Variants in CCDC85A observed in about 807,000 individuals in gnomAD.
The protein encoded by CCDC85A is coiled-coil domain-containing protein 85A.
CCDC85A carries 38 observed loss-of-function variants against 50.2 expected under a neutral mutation model. The ratio of observed to expected loss-of-function variants is 0.76; its 90% CI spans 0.58 to 0.99. CCDC85A has a LOEUF of 0.99. Among genes scored for constraint, CCDC85A ranks in the 50% least tolerant of loss-of-function variants. The pLI, the probability that CCDC85A is intolerant of heterozygous loss-of-function variation, is 0.00. For synonymous variants in CCDC85A, 366 were observed against 301.4 expected, an observed-to-expected ratio of 1.21 and a Z score of -2.22; for missense variants, 820 against 742.0, an observed-to-expected ratio of 1.11 and a Z score of -1.22.
rs1161570359 is a variant in CCDC85A, at chr2:56,290,714, C to T, written c.1241-52165C>T. 3.9e-5 allele frequency among the ~76,000 whole-genome samples: 6 copies of T among 152,148 alleles called. No individual in the cohort carries two copies. In the East Asian group the frequency reaches 1.2e-3, roughly 29 times the overall value. On this transcript the variant is annotated intron_variant, in intron 2 of 5. Transcript: ENST00000407595. ...TTATCACCAGCTTCTTTACTGTGAACCAAAAGGACATCTCTCAAGAAAACT... is the reference window on the plus strand; with the variant it reads ...TTATCACCAGCTTCTTTACTGTGAATCAAAAGGACATCTCTCAAGAAAACT...
Position 56,184,544 on chromosome 2 carries a change from G to A in CCDC85A, c.-81G>A. The A allele has an allele frequency of 3.7e-6, 5 of 1,339,066 alleles. No individual in the cohort carries two copies. The highest frequency in any genetic ancestry group is 4.8e-6 in the Non-Finnish European group (5 of 1,048,000). The allele number at this position is 1,339,066 out of a possible 1,614,324, so 82.9% of individuals were successfully genotyped here. The stretch of plus-strand genomic sequence containing the variant: ...CGCCGGAGCGCACAGGGGTGTGGGC[G>A]GAGGCGGCCTCGCCGCGCCCGCGCC... On this transcript the variant is annotated 5_prime_UTR_variant, in exon 1 of 6. Coordinates refer to ENST00000407595, the MANE Select transcript of CCDC85A (RefSeq NM_001080433.2).
intron 2 of CCDC85A, among the ~76,000 whole-genome samples, chr2:56,264,946 G>A (rs1482656302): frequency 6.6e-6 from 1 of 152,284 alleles, no homozygotes; most frequent in East Asian, 1.9e-4. Context: ...TCAGGTCTCT[G>A]GCAAAATGTC....
Position 56,184,490 on chromosome 2 carries a change from C to A in CCDC85A, c.-135C>A. ...CCAGCGCGACCCCCGCCGCCCCAACCCAGCGGCCCCTGGGCGGTGCCGCTG... is the reference window on the plus strand; with the variant it reads ...CCAGCGCGACCCCCGCCGCCCCAACACAGCGGCCCCTGGGCGGTGCCGCTG... On this transcript the variant is annotated 5_prime_UTR_variant, in exon 1 of 6. Coordinates refer to ENST00000407595, the MANE Select transcript of CCDC85A (RefSeq NM_001080433.2). The A allele has an allele frequency of 9.8e-7, 1 of 1,018,506 alleles. No individual in the cohort carries two copies. Among genetic ancestry groups the A allele is most frequent in the East Asian group, 3.4e-5 (1 of 29,006 alleles). The allele number at this position is 1,018,506 out of a possible 1,614,324, so 63.1% of individuals were successfully genotyped here.
intron 2 of CCDC85A, among the ~76,000 whole-genome samples, chr2:56,300,747 A>G (rs1321270822): frequency 6.6e-6 from 1 of 152,222 alleles, no homozygotes; most frequent in Non-Finnish European, 1.5e-5. Flanking sequence ...TGATAAAAAC[A>G]GGTAGCAGTC....
chr2:56,280,504 C>G (rs1671158183), intron 2 of CCDC85A, among the ~76,000 whole-genome samples: 1 of 152,050 alleles, frequency 6.6e-6, no homozygotes, highest in Non-Finnish European at 1.5e-5. Context: ...ACATGCCGAA[C>G]CAAACTTCAC....
intron 2 of CCDC85A, among the ~76,000 whole-genome samples, chr2:56,329,630 A>T (rs1673665705): frequency 6.6e-6 from 1 of 152,080 alleles, no homozygotes; most frequent in South Asian, 2.1e-4. Flanking sequence ...ATAAAGGAAC[A>T]TTTCTCGATT....
At chr2:56,261,844 C>A (rs937859670) in intron 2 of CCDC85A, among the ~76,000 whole-genome samples, 3 of 152,174 alleles carry the variant, frequency 2.0e-5, no homozygotes, top group Non-Finnish European at 4.4e-5. Flanking sequence ...TTCACACACC[C>A]TTTCATGATA....
chr2:56,258,092 A>C (rs1423095463), intron 2 of CCDC85A, among the ~76,000 whole-genome samples: 1 of 152,138 alleles, frequency 6.6e-6, no homozygotes, highest in East Asian at 1.9e-4. Flanking sequence ...CATGATATTG[A>C]AGGAGTGAAT....
At chr2:56,241,220 T>C (rs753402204) in intron 2 of CCDC85A, among the ~76,000 whole-genome samples, 23 of 152,210 alleles carry the variant, frequency 1.5e-4, no homozygotes, top group Non-Finnish European at 2.9e-4. Flanking sequence ...ACATATGGCA[T>C]ATGAGATATT....
In CCDC85A at chr2:56,276,265, G is replaced by C. The variant is rs191118056; in HGVS notation, c.1241-66614G>C. 1.9e-4 allele frequency among the ~76,000 whole-genome samples: 22 copies of C among 116,850 alleles called. No homozygotes were observed. In the East Asian group the frequency reaches 4.7e-3, roughly 25 times the overall value. The allele number at this position is 116,850 out of a possible 152,430, so 76.7% of individuals were successfully genotyped here. On this transcript the variant is annotated intron_variant, in intron 2 of 5. Transcript: ENST00000407595. ...GTTATGGACCTAGAAACATATTTTTGAGTGCTTTTTATTTTGCTTACTGGC... is the reference window on the plus strand; with the variant it reads ...GTTATGGACCTAGAAACATATTTTTCAGTGCTTTTTATTTTGCTTACTGGC...
chr2:56,364,991 C>G (rs556412303), intron 3 of CCDC85A, among the ~76,000 whole-genome samples: 14 of 152,340 alleles, frequency 9.2e-5, no homozygotes, highest in African/African-American at 3.4e-4. Context: ...TGTGGCTCCA[C>G]ATAGAATAAA....
chr2:56,328,471 C>CT, intron 2 of CCDC85A, among the ~76,000 whole-genome samples: 1 of 152,264 alleles, frequency 6.6e-6, no homozygotes, highest in African/African-American at 2.4e-5. Context: ...CATCCTCATA[C>CT]TTTCTTTCAA....
intron 2 of CCDC85A, among the ~76,000 whole-genome samples, chr2:56,228,530 A>AT (rs1015637567): frequency 5.5e-5 from 8 of 145,468 alleles, no homozygotes; most frequent in African/African-American, 2.1e-4. Flanking sequence ...TTTATTTTTT[A>AT]TTTTTTTATT....
At chr2:56,324,911 A>G (rs1008598882) in intron 2 of CCDC85A, among the ~76,000 whole-genome samples, 2 of 152,060 alleles carry the variant, frequency 1.3e-5, no homozygotes, top group African/African-American at 4.8e-5. Flanking sequence ...TTAATAGTCT[A>G]TTCATTTCTT....
chr2:56,266,724 A>C (rs1022815569), intron 2 of CCDC85A, among the ~76,000 whole-genome samples: 1 of 151,766 alleles, frequency 6.6e-6, no homozygotes, highest in East Asian at 1.9e-4. Flanking sequence ...CAGCTTCCGG[A>C]TTACTGTTGT....
chr2:56,330,804 A>C (rs1372282326), intron 2 of CCDC85A, among the ~76,000 whole-genome samples: 1 of 152,212 alleles, frequency 6.6e-6, no homozygotes, highest in African/African-American at 2.4e-5. Context: ...TTTTATGGAA[A>C]GTTGTATAGA....
chr2:56,376,835 G>C (rs748383659), intron 5 of CCDC85A, among the ~76,000 whole-genome samples: 1 of 152,126 alleles, frequency 6.6e-6, no homozygotes, highest in Non-Finnish European at 1.5e-5. Context: ...GAGTGCTTCC[G>C]ATCTGCTTTT....
chr2:56,213,341 T>C (rs1677257408), intron 2 of CCDC85A, among the ~76,000 whole-genome samples: 1 of 152,014 alleles, frequency 6.6e-6, no homozygotes. Flanking sequence ...GAGTGTTAGG[T>C]CAATACCTCA....
intron 2 of CCDC85A, among the ~76,000 whole-genome samples, chr2:56,301,293 C>T (rs1039463195): frequency 6.6e-6 from 1 of 152,116 alleles, no homozygotes; most frequent in Non-Finnish European, 1.5e-5. Context: ...TGCCCTTTAA[C>T]ATGTGAGTGT....
Sources: gnomAD v4.1 joint callset for allele counts (sites outside exome capture counted in the v4.1 genomes callset) on GRCh38, gnomAD v4.1.1 for gene constraint, MANE v1.5 for transcripts, NCBI Gene and HGNC (gene_info 2026-07-23, HGNC 2026-07-21) for gene names.